The following TFRC variants were observed in gnomAD, a reference collection of about 807,000 sequenced individuals.
TFRC encodes transferrin receptor, also known as transferrin receptor protein 1.
Under a neutral mutation model 85.8 loss-of-function variants are expected in TFRC, and 35 were observed. The ratio of observed to expected loss-of-function variants is 0.41; its 90% CI spans 0.31 to 0.54. TFRC has a LOEUF of 0.54. TFRC is among the 20% of genes least tolerant of loss of function. TFRC has a pLI of 0.31. For missense variants in TFRC, 828 were observed against 921.5 expected, an observed-to-expected ratio of 0.90 and a Z score of 1.31; for synonymous variants, 362 against 328.6, an observed-to-expected ratio of 1.10 and a Z score of -1.10.
At chr3:196,062,285 G>A in intron 13 of TFRC, 1 of 345,472 alleles carries the variant, frequency 2.9e-6, no homozygotes, top group South Asian at 3.3e-5. Context: ...GCCCACATCT[G>A]TAATCCCAGG....
chr3:196,060,527 G>A (rs1408721120), intron 13 of TFRC: 14 of 319,488 alleles, frequency 4.4e-5, no homozygotes, highest in East Asian at 7.3e-5. Context: ...GGCCGGGCAC[G>A]GTGGCTCACG....
chr3:196,067,897 A>G (rs1717867809), intron 8 of TFRC, 135 bp downstream of exon 8: 1 of 773,912 alleles, frequency 1.3e-6, no homozygotes, highest in African/African-American at 1.8e-5. Context: ...AATGTAATCT[A>G]TCTTCTTGCT....
chr3:196,060,086 G>T (rs1187883721), intron 14 of TFRC, 94 bp downstream of exon 14: 1 of 938,642 alleles, frequency 1.1e-6, no homozygotes, highest in South Asian at 1.6e-5. Context: ...CCTATTTTTT[G>T]TTACTGACTA....
rs780319978 is a variant in TFRC at position 196,065,423 on chromosome 3, G to A, written c.1198+20C>T. 3.9e-4 allele frequency: 274 copies of A among 700,196 alleles called. 17 individuals are homozygous for A. Among genetic ancestry groups the A allele is most frequent in the Admixed American group, 5.6e-4 (11 of 19,672 alleles). The allele number at this position is 700,196 out of a possible 1,614,324, so 43.4% of individuals were successfully genotyped here. ...AAACAAAAAAAAAGCGGGGCGGGGG[G>A]GGGGGGGGGCGGTCTTTACCTGGTT... On this transcript the variant is annotated intron_variant, in intron 10 of 18. Coordinates refer to ENST00000360110, the MANE Select transcript of TFRC (RefSeq NM_001128148.3).
rs529214594 is a variant in TFRC at position 196,052,292 on chromosome 3, CTTTTTTTTTTTT to C, written c.2041-120_2041-109del. 183 of 547,972 alleles carry C rather than the reference CTTTTTTTTTTTT, an allele frequency of 3.3e-4. 2 individuals carry two copies. The African/African-American group carries it at 3.6e-3, about 11-fold the overall frequency. The allele number at this position is 547,972 out of a possible 1,614,324, so 33.9% of individuals were successfully genotyped here. The stretch of plus-strand genomic sequence containing the variant: ...CCCAAATTTAAGAATGCCGATCAGA[CTTTTTTTTTTTT>C]TTTTTTTTTTTGACACAGAGTTTCG... On this transcript the variant is annotated intron_variant, in intron 18 of 18. Transcript: ENST00000360110.
At chr3:196,077,489 C>T (rs1036769758) in intron 1 of TFRC, among the ~76,000 whole-genome samples, 6 of 151,834 alleles carry the variant, frequency 4.0e-5, no homozygotes, top group African/African-American at 1.2e-4. Context: ...GGGTGGCTCA[C>T]ACCTGTAATC....
intron 1 of TFRC, chr3:196,081,785 G>A (rs1430126866): frequency 3.3e-5 from 5 of 152,424 alleles, no homozygotes; most frequent in Admixed American, 2.6e-4. Context: ...GCGAAGGGAC[G>A]AGAGGCGCAG....
rs1326163015 is a variant in TFRC, at chr3:196,075,150, C to A, written c.238+9G>T. 3 of 1,610,034 alleles carry A rather than the reference C, an allele frequency of 1.9e-6. No individual in the cohort carries two copies. The East Asian group carries it at 6.7e-5, about 36-fold the overall frequency. On this transcript the variant is annotated intron_variant, in intron 3 of 18. Transcript: ENST00000360110. ...AGAAAACATTGAAGTTTGGAATGGT[C>A]ATTCTCACCAATCAAGAAAAAGACG...
At position 196,068,055 on chromosome 3, in the gene TFRC, C is replaced by A. The variant is rs541398971; in HGVS notation, c.877G>T (p.Ala293Ser). 3.1e-6 allele frequency: 5 copies of A among 1,612,906 alleles called. No homozygotes were observed. The highest frequency in any genetic ancestry group is 1.7e-6 in the Non-Finnish European group (2 of 1,179,620). ...ACATGTCCAAAGAATGAAAGTTCTG[C>A]GTTAACAATGGGAAATTTAGTCTGG... ...MDQTKFPIVNAELSFFGHAHL... is the reference protein window; with the variant it reads ...MDQTKFPIVNSELSFFGHAHL... The change falls in exon 8 of 19, where the codon GCA becomes TCA. Residue 293 changes from alanine (A) to serine (S), a missense_variant. Ala to Ser is a moderately conservative substitution (Grantham distance 99). Transcript: ENST00000360110.
intron 18 of TFRC, 32 bp from the exon 19 acceptor site, chr3:196,052,216 A>T (rs1407082202): frequency 2.5e-6 from 4 of 1,600,542 alleles, no homozygotes; most frequent in Non-Finnish European, 3.4e-6. Flanking sequence ...CAATTTACAC[A>T]GCCCTGTGAC....
At chr3:196,067,684 C>T (rs535423455) in intron 8 of TFRC, 27 bp from the exon 9 acceptor site, 1 of 1,607,186 alleles carries the variant, frequency 6.2e-7, no homozygotes, top group South Asian at 1.1e-5. Context: ...GCAATTCACT[C>T]CATCACATAC....
intron 11 of TFRC, among the ~76,000 whole-genome samples, chr3:196,063,882 C>T (rs776249762): frequency 1.3e-5 from 2 of 151,944 alleles, no homozygotes; most frequent in Non-Finnish European, 2.9e-5. Context: ...GATCACACCA[C>T]TGCACTCCAG....
rs750561451 is a variant in TFRC, at chr3:196,051,279, TAA to T, written c.*661_*662del. 9.1e-6 allele frequency: 2 copies of T among 219,836 alleles called. No homozygotes were observed. The highest frequency in any genetic ancestry group is 1.2e-4 in the Admixed American group (2 of 17,332). The allele number at this position is 219,836 out of a possible 1,614,324, so 13.6% of individuals were successfully genotyped here. A position where few individuals can be genotyped will look rare whatever the true frequency, so the allele number is the denominator to read the frequency against. Reference sequence around the variant, plus strand: ...AGGGACAGAGGAAAAGAAAATATACTAAGTCTTTGGCTTCTGGTCCCCTCTTT... The same window carrying T: ...AGGGACAGAGGAAAAGAAAATATACTGTCTTTGGCTTCTGGTCCCCTCTTT... On this transcript the variant is annotated 3_prime_UTR_variant, in exon 19 of 19. Coordinates refer to ENST00000360110, the MANE Select transcript of TFRC (RefSeq NM_001128148.3).
chr3:196,055,518 T>G (rs1716705759), intron 16 of TFRC: 1 of 585,944 alleles, frequency 1.7e-6, no homozygotes, highest in South Asian at 2.0e-5. Context: ...GACTACTTTC[T>G]TCCAGGTTCT....
intron 10 of TFRC, 95 bp downstream of exon 10, chr3:196,065,348 C>A: frequency 1.4e-6 from 1 of 692,540 alleles, no homozygotes; most frequent in Non-Finnish European, 2.2e-6. Flanking sequence ...GCCAAGCCAG[C>A]ATTCCTACAC....
intron 2 of TFRC, 48 bp from the exon 3 acceptor site, chr3:196,075,408 A>G: frequency 6.3e-7 from 1 of 1,592,464 alleles, no homozygotes. Context: ...GGGAATGTTT[A>G]GGAAAAGCTC....
intron 1 of TFRC, among the ~76,000 whole-genome samples, chr3:196,080,538 C>T (rs949726713): frequency 1.3e-5 from 2 of 152,232 alleles, no homozygotes; most frequent in African/African-American, 4.8e-5. Flanking sequence ...TGCGCCCAGC[C>T]GAGGGTCATT....
At chr3:196,061,050 CTCTT>C (rs748775912) in intron 13 of TFRC, among the ~76,000 whole-genome samples, 1 of 152,138 alleles carries the variant, frequency 6.6e-6, no homozygotes, top group Non-Finnish European at 1.5e-5. Context: ...TTAATTGTAA[CTCTT>C]TCCTTTTTTC....
rs866295059 is a variant in TFRC, at chr3:196,052,102, G to A, written c.2123C>T (p.Thr708Met). 7 of 1,613,958 alleles carry A rather than the reference G, an allele frequency of 4.3e-6. No homozygotes were observed. Among genetic ancestry groups the A allele is most frequent in the African/African-American group, 2.7e-5 (2 of 74,866 alleles). ...RHVFWGSGSH[T>M]LPALLENLKL... Reference sequence around the variant, plus strand: ...CAAGTTCTCCAGTAAAGCTGGCAGCGTGTGAGAGCCGGAGCCCCAGAAGAC... The same window carrying A: ...CAAGTTCTCCAGTAAAGCTGGCAGCATGTGAGAGCCGGAGCCCCAGAAGAC... The change falls in exon 19 of 19, where the codon ACG (threonine) becomes ATG (methionine). Residue 708 changes from threonine (T) to methionine (M), a missense_variant. Thr to Met is a moderately conservative substitution (Grantham distance 81). Coordinates refer to ENST00000360110, the MANE Select transcript of TFRC (RefSeq NM_001128148.3).
Sources: allele counts gnomAD v4.1 joint callset (sites outside exome capture counted in the v4.1 genomes callset), GRCh38; gene constraint gnomAD v4.1.1; transcripts MANE v1.5; gene names NCBI Gene and HGNC (gene_info 2026-07-23, HGNC 2026-07-21).